The following PTPRM variants were observed in gnomAD, a reference collection of about 807,000 sequenced individuals.
The protein encoded by PTPRM is protein tyrosine phosphatase receptor type M, also known as receptor-type tyrosine-protein phosphatase mu.
A neutral mutation model predicts 186.7 loss-of-function variants in PTPRM; 47 were observed. That is an observed-to-expected ratio of 0.25 (90% CI 0.20 to 0.32). The LOEUF (loss-of-function observed/expected upper bound fraction) is 0.32, where lower values mean the gene tolerates loss of function less well. PTPRM is among the 10% of genes least tolerant of loss of function. The pLI is 1.00. For synonymous variants in PTPRM, 668 were observed against 674.9 expected (o/e 0.99, Z 0.16); for missense variants, 1,494 against 1,865.0 (o/e 0.80, Z 3.66).
rs187414653 is a variant in PTPRM, at chr18:8,106,731, G to C, written c.1857-6755G>C. Among the ~76,000 whole-genome samples the C allele has an allele frequency of 4.5e-3, 690 of 152,328 alleles. 3 individuals carry two copies. The highest frequency in any genetic ancestry group is 7.1e-3 in the Non-Finnish European group (483 of 68,034). On this transcript the variant is annotated intron_variant, in intron 11 of 32. Coordinates refer to ENST00000580170, the MANE Select transcript of PTPRM (RefSeq NM_001105244.2). ...TGAAATAATTTTCTTCTCATTTGCT[G>C]ATGTCACAACTTGCCTGATCTTGTG...
chr18:7,573,291 T>C (rs1407841123), intron 1 of PTPRM, among the ~76,000 whole-genome samples: 7 of 152,170 alleles, frequency 4.6e-5, no homozygotes, highest in Admixed American at 4.6e-4. Context: ...AGAGTGGCAG[T>C]TGTGCAGGTA....
chr18:8,208,691 T>G (rs187493523), intron 14 of PTPRM, among the ~76,000 whole-genome samples: 2,015 of 152,300 alleles, frequency 0.013, 30 homozygotes, highest in Non-Finnish European at 0.019. Flanking sequence ...TAAAAAAATT[T>G]TGTAGAGACA....
chr18:7,637,940 G>T (rs982402332), intron 1 of PTPRM, among the ~76,000 whole-genome samples: 1 of 152,156 alleles, frequency 6.6e-6, no homozygotes, highest in African/African-American at 2.4e-5. Flanking sequence ...TGGGGTTTTG[G>T]TATTAATTTA....
At chr18:7,960,956 A>T (rs1277376244) in intron 7 of PTPRM, among the ~76,000 whole-genome samples, 1 of 152,174 alleles carries the variant, frequency 6.6e-6, no homozygotes, top group Non-Finnish European at 1.5e-5. Flanking sequence ...TGTACAGTTA[A>T]ATCATGTTAA....
chr18:7,912,394 C>T (rs908329337), intron 4 of PTPRM, among the ~76,000 whole-genome samples: 1 of 152,168 alleles, frequency 6.6e-6, no homozygotes, highest in Non-Finnish European at 1.5e-5. Context: ...GACTATTCTG[C>T]TACAAGTATG....
At chr18:7,976,183 A>G (rs918580506) in intron 7 of PTPRM, among the ~76,000 whole-genome samples, 3 of 152,190 alleles carry the variant, frequency 2.0e-5, no homozygotes, top group Admixed American at 6.5e-5. Context: ...AATAAAAAAT[A>G]AAAAATGAAA....
intron 7 of PTPRM, among the ~76,000 whole-genome samples, chr18:8,035,213 C>T (rs1477792902): frequency 1.3e-5 from 2 of 152,136 alleles, no homozygotes; most frequent in Non-Finnish European, 2.9e-5. Context: ...TTATTATAAG[C>T]AGCAATGAGA....
intron 1 of PTPRM, among the ~76,000 whole-genome samples, chr18:7,644,555 A>C (rs566039815): frequency 6.6e-6 from 1 of 152,160 alleles, no homozygotes; most frequent in South Asian, 2.1e-4. Flanking sequence ...AGATTACTCT[A>C]TCAAGAAAAT....
At chr18:8,121,059 T>C (rs572426050) in intron 13 of PTPRM, among the ~76,000 whole-genome samples, 11 of 152,336 alleles carry the variant, frequency 7.2e-5, no homozygotes, top group African/African-American at 2.6e-4. Flanking sequence ...CTGTAATGCG[T>C]TAATGCACTG....
Position 8,357,046 on chromosome 18 carries a change from T to C in PTPRM, c.3054+13526T>C, listed in dbSNP as rs143812858. On this transcript the variant is annotated intron_variant, in intron 23 of 32. Coordinates refer to ENST00000580170, the MANE Select transcript of PTPRM (RefSeq NM_001105244.2). ...ATCCACATGCTTCCAGAGTCCTTGA[T>C]GCTTCCTGTACACTCTGAATACCAC... is the stretch of plus-strand genomic sequence containing the variant. Among the ~76,000 whole-genome samples, 532 of 152,370 alleles carry C rather than the reference T, an allele frequency of 3.5e-3. 2 individuals are homozygous for C. The highest frequency in any genetic ancestry group is 0.012 in the African/African-American group (502 of 41,596).
chr18:7,994,372 C>T (rs191677454), intron 7 of PTPRM, among the ~76,000 whole-genome samples: 196 of 152,030 alleles, frequency 1.3e-3, no homozygotes, highest in African/African-American at 4.4e-3. Flanking sequence ...GTTACAATAA[C>T]AGATGGGGAC....
intron 13 of PTPRM, among the ~76,000 whole-genome samples, chr18:8,136,586 C>T (rs1197518823): frequency 6.6e-6 from 1 of 152,136 alleles, no homozygotes; most frequent in East Asian, 1.9e-4. Context: ...GCTCTGTTTG[C>T]CCTACACTGG....
chr18:7,846,395 C>A (rs1280375260), intron 2 of PTPRM, among the ~76,000 whole-genome samples: 1 of 152,188 alleles, frequency 6.6e-6, no homozygotes, highest in Non-Finnish European at 1.5e-5. Flanking sequence ...TCATAGGTAA[C>A]TTCAAACTCT....
At chr18:7,830,678 A>G (rs1240930263) in intron 2 of PTPRM, among the ~76,000 whole-genome samples, 4 of 152,148 alleles carry the variant, frequency 2.6e-5, no homozygotes, top group Admixed American at 2.6e-4. Flanking sequence ...TCTATTTCCC[A>G]AGGGCCTTGA....
At chr18:7,631,369 C>CA (rs2038187573) in intron 1 of PTPRM, among the ~76,000 whole-genome samples, 1 of 151,720 alleles carries the variant, frequency 6.6e-6, no homozygotes, top group African/African-American at 2.4e-5. Flanking sequence ...TAGTGATTCT[C>CA]AGTGTTGATA....
intron 2 of PTPRM, among the ~76,000 whole-genome samples, chr18:7,778,616 A>G (rs1489414253): frequency 6.6e-6 from 1 of 151,928 alleles, no homozygotes; most frequent in Non-Finnish European, 1.5e-5. Flanking sequence ...AGTAGCTGGG[A>G]CTACAGGCAC....
intron 1 of PTPRM, among the ~76,000 whole-genome samples, chr18:7,721,141 CTTT>C (rs71165750): frequency 2.1e-5 from 3 of 145,270 alleles, no homozygotes; most frequent in Admixed American, 6.8e-5. Flanking sequence ...TTATTATTTT[CTTT>C]TTTTTTTTTT....
At chr18:7,772,693 A>G (rs1293265257) in intron 1 of PTPRM, among the ~76,000 whole-genome samples, 8 of 151,996 alleles carry the variant, frequency 5.3e-5, no homozygotes, top group Admixed American at 4.6e-4. Context: ...AAGCATTTGG[A>G]TAGAAGTTGG....
In PTPRM at chr18:7,856,764, A is replaced by G. The variant is rs73941016; in HGVS notation, c.197-31342A>G. Among the ~76,000 whole-genome samples the G allele has an allele frequency of 8.7e-3, 1,307 of 150,752 alleles. 26 individuals carry two copies. Among genetic ancestry groups the G allele is most frequent in the East Asian group, 0.065 (332 of 5,090 alleles). On this transcript the variant is annotated intron_variant, in intron 2 of 32. Transcript: ENST00000580170. ...GTCTCAAAAAAAAAAAAAGTCATCA[A>G]GAGTGTGCCTGCTTTGAATGACACT...
Sources: allele counts gnomAD v4.1 joint callset (sites outside exome capture counted in the v4.1 genomes callset), GRCh38; gene constraint gnomAD v4.1.1; transcripts MANE v1.5; gene names NCBI Gene and HGNC (gene_info 2026-07-23, HGNC 2026-07-21).